The following ZNF292 variants were observed in gnomAD, a reference collection of about 807,000 sequenced individuals.
ZNF292 encodes the protein zinc finger protein 292.
ZNF292 carries 26 observed loss-of-function variants against 217.9 expected under a neutral mutation model. That is an observed-to-expected ratio of 0.12 (90% CI 0.09 to 0.17). The LOEUF is 0.17. Among genes scored for constraint, ZNF292 ranks in the 10% least tolerant of loss-of-function variants. ZNF292 has a pLI of 1.00. For synonymous variants in ZNF292, 1,257 were observed against 1,124.1 expected (o/e 1.12, Z -2.37); for missense variants, 2,904 against 3,175.2 (o/e 0.91, Z 2.05).
chr6:87,172,796 A>G (rs1039083482), intron 1 of ZNF292, among the ~76,000 whole-genome samples: 21 of 151,714 alleles, frequency 1.4e-4, no homozygotes, highest in Non-Finnish European at 2.8e-4. Flanking sequence ...AGTCCCAGCT[A>G]CTCAGGAGGC....
At chr6:87,197,681 A>G (rs2127787111) in intron 1 of ZNF292, among the ~76,000 whole-genome samples, 1 of 142,566 alleles carries the variant, frequency 7.0e-6, no homozygotes, top group East Asian at 2.1e-4. Flanking sequence ...AGGTCATGCC[A>G]CTGCACTCCA....
Position 87,260,257 on chromosome 6 carries a change from T to G in ZNF292, c.6628T>G (p.Ser2210Ala). The G allele has an allele frequency of 6.2e-7, 1 of 1,613,644 alleles. No individual in the cohort carries two copies. The highest frequency in any genetic ancestry group is 8.5e-7 in the Non-Finnish European group (1 of 1,179,642). Residue 2210 changes from serine to alanine, a missense_variant, in exon 8 of 8, where the codon TCA (serine) becomes GCA (alanine). Ser to Ala is a moderately conservative substitution (Grantham distance 99). Coordinates refer to ENST00000369577, the MANE Select transcript of ZNF292 (RefSeq NM_015021.3). ...TGAAGAAATTGAAAGTATGACTGCT[T>G]CAGTGGATGTTGGGAAGTTTCCATG... is the stretch of plus-strand genomic sequence containing the variant. ...TPEEIESMTA[S>A]VDVGKFPCDQ...
At chr6:87,222,742 T>G in intron 4 of ZNF292, 1 of 446,974 alleles carries the variant, frequency 2.2e-6, no homozygotes, top group Non-Finnish European at 4.5e-6. Context: ...TTCCTTAGTT[T>G]TTACCTAATG....
At chr6:87,189,024 G>C (rs1771746202) in intron 1 of ZNF292, among the ~76,000 whole-genome samples, 1 of 151,906 alleles carries the variant, frequency 6.6e-6, no homozygotes, top group Admixed American at 6.6e-5. Flanking sequence ...GGACAACATG[G>C]CAAAACCCTG....
At chr6:87,254,435 A>G (rs745873951) in intron 7 of ZNF292, among the ~76,000 whole-genome samples, 14 of 152,232 alleles carry the variant, frequency 9.2e-5, no homozygotes, top group Non-Finnish European at 1.6e-4. Context: ...CCAAAGTCTT[A>G]GCTTCTAATA....
At chr6:87,235,588 T>G (rs1209099871) in intron 5 of ZNF292, among the ~76,000 whole-genome samples, 1 of 152,108 alleles carries the variant, frequency 6.6e-6, no homozygotes, top group African/African-American at 2.4e-5. Context: ...AAAATCTGTA[T>G]TTCTAGCTCT....
At chr6:87,225,442 A>G (rs1467450058) in intron 4 of ZNF292, among the ~76,000 whole-genome samples, 1 of 152,156 alleles carries the variant, frequency 6.6e-6, no homozygotes, top group Admixed American at 6.5e-5. Context: ...TCTCATCGTG[A>G]AATCCAAGGC....
At chr6:87,218,238 G>T (rs1582439184) in intron 3 of ZNF292, among the ~76,000 whole-genome samples, 1 of 152,228 alleles carries the variant, frequency 6.6e-6, no homozygotes, top group East Asian at 1.9e-4. Flanking sequence ...ATTAATGGTA[G>T]ATTTGGGGGA....
intron 1 of ZNF292, among the ~76,000 whole-genome samples, chr6:87,172,455 C>T (rs900610357): frequency 6.6e-6 from 1 of 152,038 alleles, no homozygotes; most frequent in African/African-American, 2.4e-5. Context: ...TATTGTTGCC[C>T]AGGAGTCAGT....
chr6:87,256,022 A>T lies in ZNF292; in HGVS notation c.2393A>T (p.Asp798Val). The change falls in exon 8 of 8, where the codon GAT (aspartate) becomes GTT (valine). Residue 798 changes from aspartate (D) to valine (V), a missense_variant. Asp to Val is a radical substitution (Grantham distance 152). Transcript: ENST00000369577. ...TTTTCGGAAGCTTATTTACTATATG[A>T]TCATGAAGCACAACATTATAATACG... ...RIFSEAYLLY[D>V]HEAQHYNTYT... 1 of 1,607,374 alleles carries T rather than the reference A, an allele frequency of 6.2e-7. No individual in the cohort carries two copies. Among genetic ancestry groups the T allele is most frequent in the Non-Finnish European group, 8.5e-7 (1 of 1,176,294 alleles).
intron 4 of ZNF292, among the ~76,000 whole-genome samples, chr6:87,228,303 G>A (rs1246972847): frequency 6.6e-6 from 1 of 152,040 alleles, no homozygotes; most frequent in African/African-American, 2.4e-5. Flanking sequence ...AGTTAAAGGA[G>A]CTCTTTATAT....
At position 87,219,512 on chromosome 6, in the gene ZNF292, G is replaced by A. The variant is rs534012839; in HGVS notation, c.538+781G>A. Among the ~76,000 whole-genome samples the A allele has an allele frequency of 7.2e-5, 11 of 152,276 alleles. No individual in the cohort carries two copies. In the South Asian group the frequency reaches 2.1e-3, roughly 29 times the overall value. ...GGCAAATTCTAGGAAGTTTTGCTAT[G>A]TGATAGCAAGTTATGAAGGCCATGA... On this transcript the variant is annotated intron_variant, in intron 4 of 7. Transcript: ENST00000369577.
chr6:87,240,908 C>T (rs974326300), intron 5 of ZNF292, among the ~76,000 whole-genome samples: 2 of 152,140 alleles, frequency 1.3e-5, no homozygotes, highest in African/African-American at 4.8e-5. Flanking sequence ...TGAAGCTAAA[C>T]TTAGGTTGAC....
chr6:87,161,373 C>T (rs1770749740), intron 1 of ZNF292, among the ~76,000 whole-genome samples: 1 of 152,186 alleles, frequency 6.6e-6, no homozygotes, highest in Non-Finnish European at 1.5e-5. Flanking sequence ...TTCAAAATGA[C>T]AGCTGAAAAG....
intron 1 of ZNF292, among the ~76,000 whole-genome samples, chr6:87,160,970 AT>A (rs951688103): frequency 5.1e-4 from 76 of 147,862 alleles, no homozygotes; most frequent in Non-Finnish European, 5.3e-4. Flanking sequence ...TATCTAGAAG[AT>A]TTTTTTTTTT....
chr6:87,169,778 C>T (rs1207162916), intron 1 of ZNF292: 1 of 402,570 alleles, frequency 2.5e-6, no homozygotes, highest in Non-Finnish European at 5.0e-6. Flanking sequence ...TCTTGGATAG[C>T]TGGGACTACA....
Position 87,245,588 on chromosome 6 carries a change from T to G in ZNF292, c.964T>G (p.Leu322Val), listed in dbSNP as rs748403929. The G allele has an allele frequency of 1.6e-5, 25 of 1,558,532 alleles. No individual in the cohort carries two copies. Among genetic ancestry groups the G allele is most frequent in the East Asian group, 1.4e-4 (6 of 44,156 alleles). Residue 322 changes from leucine to valine, a missense_variant, in exon 7 of 8, where the codon TTG becomes GTG. This residue lies in a region of ZNF292 where 313 missense variants were observed against 451.0 expected (regional missense o/e 0.69). Transcript: ENST00000369577. ...VYLERCRQLS[L>V]LTKTVYHIFF... The stretch of plus-strand genomic sequence containing the variant: ...CCTTGAGAGGTGTCGTCAACTTTCT[T>G]TGTTAACGAAAACAGTATATCACAT...
At chr6:87,168,909 G>A (rs1771001417) in intron 1 of ZNF292, among the ~76,000 whole-genome samples, 2 of 152,108 alleles carry the variant, frequency 1.3e-5, no homozygotes, top group African/African-American at 2.4e-5. Flanking sequence ...AAATGAAATG[G>A]CATAGTATTT....
chr6:87,259,558 G>C lies in ZNF292; in HGVS notation c.5929G>C (p.Glu1977Gln). Residue 1977 changes from glutamate to glutamine, a missense_variant, in exon 8 of 8, where the codon GAA becomes CAA. By Grantham distance (29) the Glu-to-Gln change is conservative. Coordinates refer to ENST00000369577, the MANE Select transcript of ZNF292 (RefSeq NM_015021.3). ...HCQLVHHFTT[E>Q]EMVKLKIKRP... ...TCAGTTGGTGCATCATTTTACAACT[G>C]AAGAAATGGTAAAGTTAAAAATTAA... is the stretch of plus-strand genomic sequence containing the variant. The C allele has an allele frequency of 6.3e-7, 1 of 1,580,834 alleles. No homozygotes were observed. Among genetic ancestry groups the C allele is most frequent in the Non-Finnish European group, 8.6e-7 (1 of 1,162,328 alleles).
Sources: gnomAD v4.1 joint callset for allele counts (sites outside exome capture counted in the v4.1 genomes callset) on GRCh38, gnomAD v4.1.1 for gene constraint, gnomAD v4.1.1 regional missense constraint, MANE v1.5 for transcripts, NCBI Gene and HGNC (gene_info 2026-07-23, HGNC 2026-07-21) for gene names.